The following NUP210 variants were observed in gnomAD, a reference collection of about 807,000 sequenced individuals.
The protein encoded by NUP210 is nuclear pore membrane glycoprotein 210.
In NUP210, 151 loss-of-function variants were observed where a neutral mutation model predicts 196.0. That is an observed-to-expected ratio of 0.77 (90% CI 0.67 to 0.88). The LOEUF (loss-of-function observed/expected upper bound fraction) is 0.88, where lower values mean the gene tolerates loss of function less well. NUP210 is among the 40% of genes least tolerant of loss of function. The pLI is 0.00. For synonymous variants in NUP210, 1,070 were observed against 1,052.7 expected, an observed-to-expected ratio of 1.02 and a Z score of -0.32; for missense variants, 2,314 against 2,493.7, an observed-to-expected ratio of 0.93 and a Z score of 1.53.
chr3:13,384,984 T>C (rs1451654416), intron 6 of NUP210, among the ~76,000 whole-genome samples: 2 of 152,222 alleles, frequency 1.3e-5, no homozygotes. Flanking sequence ...CCTGTTGACT[T>C]GACATCCTGC....
At chr3:13,395,322 T>G (rs1576415630) in intron 3 of NUP210, among the ~76,000 whole-genome samples, 1 of 152,130 alleles carries the variant, frequency 6.6e-6, no homozygotes, top group African/African-American at 2.4e-5. Flanking sequence ...GACGTGGAGA[T>G]CATGGCACCT....
chr3:13,353,565 T>C lies in NUP210; in HGVS notation c.2617A>G (p.Thr873Ala). Residue 873 changes from threonine (T) to alanine (A), a missense_variant, in exon 18 of 40, where the codon ACA becomes GCA. Transcript: ENST00000254508. ...GCCCTGGGAGATACCGGCTGCTTTG[T>C]TCTGGCAGAGCTGAGGTGGGACTCC... ...YQESHLSSARTKQPHDPLVPL... is the reference protein window; with the variant it reads ...YQESHLSSARAKQPHDPLVPL... 1 of 1,614,018 alleles carries C rather than the reference T, an allele frequency of 6.2e-7. No individual in the cohort carries two copies. Among genetic ancestry groups the C allele is most frequent in the Non-Finnish European group, 8.5e-7 (1 of 1,179,920 alleles).
chr3:13,402,307 T>G (rs1323450133), intron 1 of NUP210, among the ~76,000 whole-genome samples: 1 of 152,156 alleles, frequency 6.6e-6, no homozygotes, highest in Admixed American at 6.5e-5. Context: ...TTAAAAACAC[T>G]GTGGTATGTA....
At position 13,337,805 on chromosome 3, in the gene NUP210, A is replaced by G. The variant is rs753081301; in HGVS notation, c.3552+32T>C. The G allele has an allele frequency of 6.0e-5, 95 of 1,585,014 alleles. No individual in the cohort carries two copies. In the East Asian group the frequency reaches 2.0e-3, roughly 34 times the overall value. On this transcript the variant is annotated intron_variant, in intron 26 of 39. Transcript: ENST00000254508. ...GGGTCCCAGCAGTGGCTCTTCGGGA[A>G]CCAGGATTCAGAGCCCAGGAGGTCC...
Position 13,348,266 on chromosome 3 carries a change from G to T in NUP210, c.2835+3613C>A. ...CTTTCAGACAAGTGTCCCAGCTTCT[G>T]CTCAAATGCCTCCAGAGACAGGGAG... is the stretch of plus-strand genomic sequence containing the variant. On this transcript the variant is annotated intron_variant, in intron 20 of 39. Transcript: ENST00000254508. This position sits in a 1 kb window ranked among gnomAD's most constrained non-coding sequence, Gnocchi z 4.0. The T allele has an allele frequency of 2.0e-6, 1 of 492,726 alleles. No individual in the cohort carries two copies. Among genetic ancestry groups the T allele is most frequent in the Non-Finnish European group, 2.6e-6 (1 of 379,876 alleles). The allele number at this position is 492,726 out of a possible 1,614,324, so 30.5% of individuals were successfully genotyped here.
chr3:13,329,341 G>A (rs1188769347), intron 30 of NUP210, among the ~76,000 whole-genome samples: 1 of 152,176 alleles, frequency 6.6e-6, no homozygotes, highest in Non-Finnish European at 1.5e-5. Flanking sequence ...GCGCTAAGCA[G>A]GCCACAGCAT....
chr3:13,331,499 G>A (rs1314404922), intron 29 of NUP210, among the ~76,000 whole-genome samples: 1 of 152,104 alleles, frequency 6.6e-6, no homozygotes, highest in East Asian at 1.9e-4. Context: ...ATCTCCATCT[G>A]GGACATGCCT....
At position 13,340,204 on chromosome 3, in the gene NUP210, G is replaced by T. The variant is rs975913793; in HGVS notation, c.3291+32C>A. On this transcript the variant is annotated intron_variant, in intron 24 of 39. Coordinates refer to ENST00000254508, the MANE Select transcript of NUP210 (RefSeq NM_024923.4). This position sits in a 1 kb window ranked among gnomAD's most constrained non-coding sequence, Gnocchi z 4.0. ...GAACCAGGTGGTGGCCTGCACTGGGGCTGGAGCAGGACGTGGCCTCTTGGC... is the reference window on the plus strand; with the variant it reads ...GAACCAGGTGGTGGCCTGCACTGGGTCTGGAGCAGGACGTGGCCTCTTGGC... 2.5e-6 allele frequency: 4 copies of T among 1,612,154 alleles called. No homozygotes were observed. The highest frequency in any genetic ancestry group is 3.4e-6 in the Non-Finnish European group (4 of 1,178,942).
rs375171856 is a variant in NUP210 at position 13,324,256 on chromosome 3, A to G, written c.4645-824T>C. ...CTCCCCTTCCTCCCTGTCCACCCTC[A>G]GAGAGTGCCCAAGGCTTCCTGGCCC... On this transcript the variant is annotated intron_variant, in intron 33 of 39. Coordinates refer to ENST00000254508, the MANE Select transcript of NUP210 (RefSeq NM_024923.4). 2.7e-4 allele frequency among the ~76,000 whole-genome samples: 41 copies of G among 151,498 alleles called. 4 individuals are homozygous for G. The highest frequency in any genetic ancestry group is 2.3e-3 in the South Asian group (11 of 4,788).
intron 13 of NUP210, among the ~76,000 whole-genome samples, chr3:13,369,906 G>A (rs1044249650): frequency 5.9e-5 from 9 of 152,230 alleles, no homozygotes; most frequent in East Asian, 1.9e-4. Flanking sequence ...GAGCCACAGA[G>A]GGGAGGCCAG....
At chr3:13,327,146 C>T (rs1447030731) in intron 32 of NUP210, 71 bp downstream of exon 32, 1 of 1,277,476 alleles carries the variant, frequency 7.8e-7, no homozygotes, top group Non-Finnish European at 1.1e-6. Context: ...GAGCCCCTGC[C>T]CAGGTAGCCC....
At chr3:13,401,258 T>TAAA (rs1162470689) in intron 1 of NUP210, among the ~76,000 whole-genome samples, 1 of 16,506 alleles carries the variant, frequency 6.1e-5, no homozygotes. Flanking sequence ...AGACTCTGGC[T>TAAA]CAAAAAAAAA....
At chr3:13,398,807 G>A (rs921211965) in intron 2 of NUP210, among the ~76,000 whole-genome samples, 1 of 152,154 alleles carries the variant, frequency 6.6e-6, no homozygotes, top group African/African-American at 2.4e-5. Flanking sequence ...ACCTGTGGTG[G>A]TCCCAGCTAT....
At position 13,375,729 on chromosome 3, in the gene NUP210, G is replaced by C. The variant is rs143873254; in HGVS notation, c.1294-88C>G. The C allele has an allele frequency of 1.1e-4, 151 of 1,434,962 alleles. 1 individual carries two copies. In the East Asian group the frequency reaches 3.5e-3, roughly 33 times the overall value. The allele number at this position is 1,434,962 out of a possible 1,614,324, so 88.9% of individuals were successfully genotyped here. A position where few individuals can be genotyped will look rare whatever the true frequency, so the allele number is the denominator to read the frequency against. ...TCACCGGACCCCCACCCCTCCCTGG[G>C]GATCGGGTCACAAAGGTGGATTTGG... is the stretch of plus-strand genomic sequence containing the variant. On this transcript the variant is annotated intron_variant, in intron 10 of 39. Transcript: ENST00000254508.
At chr3:13,384,939 C>G (rs1333253727) in intron 6 of NUP210, among the ~76,000 whole-genome samples, 2 of 152,222 alleles carry the variant, frequency 1.3e-5, no homozygotes, top group Non-Finnish European at 2.9e-5. Flanking sequence ...GACACCCACG[C>G]TTGGCTTCCT....
chr3:13,352,249 C>G (rs570411144), intron 18 of NUP210, 65 bp from the exon 19 acceptor site: 1 of 1,274,708 alleles, frequency 7.8e-7, no homozygotes, highest in South Asian at 1.3e-5. Context: ...TCGGGAAGAA[C>G]AGGCCCAAAA....
At position 13,350,692 on chromosome 3, in the gene NUP210, CTTTTTT is replaced by C. The variant is rs59291391; in HGVS notation, c.2835+1181_2835+1186del. 7.6e-6 allele frequency among the ~76,000 whole-genome samples: 1 copy of C among 131,492 alleles called. No individual in the cohort carries two copies. Among genetic ancestry groups the C allele is most frequent in the African/African-American group, 2.8e-5 (1 of 35,476 alleles). The allele number at this position is 131,492 out of a possible 152,430, so 86.3% of individuals were successfully genotyped here. A position where few individuals can be genotyped will look rare whatever the true frequency, so the allele number is the denominator to read the frequency against. ...AGTTACAGGAAAAAAAATAGAAATT[CTTTTTT>C]TTTTTTTTTTTTTGAGATGGAGTCT... On this transcript the variant is annotated intron_variant, in intron 20 of 39. Transcript: ENST00000254508. This position sits in a 1 kb window ranked among gnomAD's most constrained non-coding sequence, Gnocchi z 4.1.
intron 1 of NUP210, among the ~76,000 whole-genome samples, chr3:13,400,846 C>G (rs577610514): frequency 1.3e-5 from 2 of 152,344 alleles, no homozygotes; most frequent in East Asian, 1.9e-4. Flanking sequence ...CAGCACCCGA[C>G]ACAGAGCAGA....
chr3:13,356,295 A>G (rs925549897), intron 16 of NUP210, among the ~76,000 whole-genome samples: 5 of 152,220 alleles, frequency 3.3e-5, no homozygotes, highest in Non-Finnish European at 7.3e-5. Flanking sequence ...GGAGAGTATA[A>G]AATTACCTTG....
Sources: allele counts gnomAD v4.1 joint callset (sites outside exome capture counted in the v4.1 genomes callset), GRCh38; gene constraint gnomAD v4.1.1; non-coding constraint Gnocchi (gnomAD v3.1); transcripts MANE v1.5; gene names NCBI Gene and HGNC (gene_info 2026-07-23, HGNC 2026-07-21).